The following DARS2 variants were observed in gnomAD, a reference collection of about 807,000 sequenced individuals.
The protein encoded by DARS2 is aspartate--tRNA ligase, mitochondrial.
In DARS2, 63 loss-of-function variants were observed where a neutral mutation model predicts 83.0. The observed-to-expected ratio is 0.76, with a 90% CI of 0.62 to 0.94. The LOEUF is 0.94. Among genes scored for constraint, DARS2 ranks in the 40% least tolerant of loss-of-function variants. The probability of loss-of-function intolerance (pLI) is 0.00; values close to 1 mark genes in which losing one functional copy is unlikely to be tolerated. For missense variants in DARS2, 675 were observed against 774.4 expected, an observed-to-expected ratio of 0.87 and a Z score of 1.52; for synonymous variants, 250 against 269.3, an observed-to-expected ratio of 0.93 and a Z score of 0.70.
At chr1:173,829,831 C>T (rs888833994) in intron 3 of DARS2, among the ~76,000 whole-genome samples, 11 of 152,118 alleles carry the variant, frequency 7.2e-5, no homozygotes, top group African/African-American at 2.7e-4. Flanking sequence ...ATCACTTGAA[C>T]CCAGAGGCAG....
chr1:173,833,333 T>C, intron 5 of DARS2, 43 bp from the exon 6 acceptor site: 1 of 1,492,250 alleles, frequency 6.7e-7, no homozygotes, highest in East Asian at 2.5e-5. Context: ...ACCTTTCTAA[T>C]ATTGAAAAAT....
intron 3 of DARS2, among the ~76,000 whole-genome samples, chr1:173,829,511 G>A (rs539891502): frequency 4.6e-5 from 7 of 152,164 alleles, no homozygotes; most frequent in African/African-American, 1.7e-4. Flanking sequence ...CAGGCATGGT[G>A]GCTCACACCT....
At chr1:173,845,993 T>C (rs1379681416) in intron 12 of DARS2, among the ~76,000 whole-genome samples, 2 of 151,852 alleles carry the variant, frequency 1.3e-5, no homozygotes, top group Non-Finnish European at 2.9e-5. Context: ...CCGTCTCTAC[T>C]AAAAATACAA....
In DARS2 at chr1:173,830,643, TC is replaced by T. The variant is rs770357249; in HGVS notation, c.295-12del. ...GTTCATTTGTTTCTCAGAACTCTTT[TC>T]CCCCTTGTTCTGTAGTCGGCAGCCT... On this transcript the variant is annotated splice_polypyrimidine_tract_variant and intron_variant, in intron 3 of 16. Coordinates refer to ENST00000649689, the MANE Select transcript of DARS2 (RefSeq NM_018122.5). 2 of 1,595,432 alleles carry T rather than the reference TC, an allele frequency of 1.3e-6. No homozygotes were observed. Among genetic ancestry groups the T allele is most frequent in the Non-Finnish European group, 1.7e-6 (2 of 1,163,042 alleles).
In DARS2 at chr1:173,853,885, A is replaced by G. The variant is rs1653768688; in HGVS notation, c.1654A>G (p.Ile552Val). The change falls in exon 15 of 17, where the codon ATC becomes GTC. Residue 552 changes from isoleucine (I) to valine (V), a missense_variant. Transcript: ENST00000649689. ...RIHNAELQRY[I>V]LATLLKEDVK... is the part of the protein sequence containing the mutation. ...TCACAATGCAGAGCTGCAGCGTTAT[A>G]TCCTGGCAACCTTACTAAAGGTAAC... 1 of 1,614,068 alleles carries G rather than the reference A, an allele frequency of 6.2e-7. No homozygotes were observed. The highest frequency in any genetic ancestry group is 1.3e-5 in the African/African-American group (1 of 75,056).
intron 12 of DARS2, among the ~76,000 whole-genome samples, chr1:173,847,947 G>A (rs1399421895): frequency 6.7e-6 from 1 of 149,352 alleles, no homozygotes; most frequent in African/African-American, 2.5e-5. Flanking sequence ...CCGCCTCCCA[G>A]GTTCACGCCG....
At chr1:173,847,351 C>A (rs1004927244) in intron 12 of DARS2, among the ~76,000 whole-genome samples, 4 of 152,078 alleles carry the variant, frequency 2.6e-5, no homozygotes, top group African/African-American at 4.8e-5. Flanking sequence ...AAATCTGCAT[C>A]TAAGAACCAT....
intron 7 of DARS2, 22 bp downstream of exon 7, chr1:173,834,541 G>A: frequency 6.4e-7 from 1 of 1,568,848 alleles, no homozygotes; most frequent in East Asian, 2.2e-5. Context: ...CCTTCAATCA[G>A]TCTATTAATA....
intron 8 of DARS2, among the ~76,000 whole-genome samples, chr1:173,837,719 A>G (rs1331331196): frequency 6.6e-6 from 1 of 152,238 alleles, no homozygotes; most frequent in Non-Finnish European, 1.5e-5. Flanking sequence ...TTAACTTCTC[A>G]TAGGTCAGCT....
chr1:173,832,297 T>C (rs761519956), intron 5 of DARS2, among the ~76,000 whole-genome samples: 113 of 152,228 alleles, frequency 7.4e-4, no homozygotes, highest in Admixed American at 1.6e-3. Flanking sequence ...CAATTGGTCT[T>C]ACATTTAAGT....
At chr1:173,842,349 A>AGT (rs1439653658) in intron 11 of DARS2, among the ~76,000 whole-genome samples, 5 of 114,214 alleles carry the variant, frequency 4.4e-5, no homozygotes, top group Non-Finnish European at 8.1e-5. Flanking sequence ...CCCAGGCTGG[A>AGT]GTGCAGTGGC....
rs936757075 is a variant in DARS2 at position 173,858,506 on chromosome 1, A to G, written c.*801A>G. 1.3e-5 allele frequency: 2 copies of G among 152,160 alleles called. No individual in the cohort carries two copies. Among genetic ancestry groups the G allele is most frequent in the Non-Finnish European group, 2.9e-5 (2 of 68,024 alleles). 9.4% of individuals were successfully genotyped at this position (152,160 alleles called of 1,614,324 possible). ...TCTCTATTTTATAGTTTCAGATTAAACAAAACTGATATCAATAGTAAAAGT... is the reference window on the plus strand; with the variant it reads ...TCTCTATTTTATAGTTTCAGATTAAGCAAAACTGATATCAATAGTAAAAGT... On this transcript the variant is annotated 3_prime_UTR_variant, in exon 17 of 17. Coordinates refer to ENST00000649689, the MANE Select transcript of DARS2 (RefSeq NM_018122.5).
At position 173,824,899 on chromosome 1, in the gene DARS2, G is replaced by C; in HGVS notation, c.-331G>C. On this transcript the variant is annotated 5_prime_UTR_variant, in exon 1 of 17. Transcript: ENST00000649689. Reference sequence around the variant, plus strand: ...CCTTGTGACCGCCTCTGGTTGTCTTGGGCTCGCGCCTGGCGCCGCTACGTG... The same window carrying C: ...CCTTGTGACCGCCTCTGGTTGTCTTCGGCTCGCGCCTGGCGCCGCTACGTG... The C allele has an allele frequency of 2.8e-6, 1 of 355,154 alleles. No individual in the cohort carries two copies. Among genetic ancestry groups the C allele is most frequent in the South Asian group, 2.2e-5 (1 of 45,134 alleles). The allele number at this position is 355,154 out of a possible 1,614,324, so 22.0% of individuals were successfully genotyped here.
At chr1:173,850,976 G>A (rs1653640824) in intron 13 of DARS2, among the ~76,000 whole-genome samples, 2 of 151,872 alleles carry the variant, frequency 1.3e-5, no homozygotes, top group African/African-American at 4.8e-5. Context: ...GGTGGCTAAC[G>A]CCTGTAATCC....
rs1237681938 is a variant in DARS2, at chr1:173,830,696, C to T, written c.331C>T (p.Pro111Ser). The T allele has an allele frequency of 1.2e-6, 2 of 1,614,008 alleles. No homozygotes were observed. The highest frequency in any genetic ancestry group is 8.5e-7 in the Non-Finnish European group (1 of 1,179,936). ...TGTGAAGAAGATTTTATGTGAAGCCCCTGTGGAATCTGTGGTGCAAGTGTC... is the reference window on the plus strand; with the variant it reads ...TGTGAAGAAGATTTTATGTGAAGCCTCTGTGGAATCTGTGGTGCAAGTGTC... ...ASVKKILCEA[P>S]VESVVQVSGT... The change falls in exon 4 of 17, where the codon CCT becomes TCT. Residue 111 changes from proline to serine, a missense_variant. Physicochemically the swap from Pro to Ser is moderately conservative, Grantham distance 74 (BLOSUM62 -1). Transcript: ENST00000649689.
At chr1:173,852,118 A>G (rs1159845056) in intron 13 of DARS2, 4 of 985,332 alleles carry the variant, frequency 4.1e-6, no homozygotes, top group Admixed American at 6.1e-5. Context: ...TAACATTAAC[A>G]TTCTGAAAAT....
chr1:173,857,409 T>G lies in DARS2; in HGVS notation c.1751-109T>G, dbSNP rs139337695. The G allele has an allele frequency of 3.8e-3, 4,246 of 1,118,024 alleles. 11 individuals carry two copies. The highest frequency in any genetic ancestry group is 5.2e-3 in the Non-Finnish European group (3,907 of 756,740). 69.3% of individuals were successfully genotyped at this position (1,118,024 alleles called of 1,614,324 possible). On this transcript the variant is annotated intron_variant, in intron 16 of 16. Transcript: ENST00000649689. Reference sequence around the variant, plus strand: ...GTAGGGAACGATGGTTGGCTACAGTTTGTTAAAGATTCTTATTTAAAAGTT... The same window carrying G: ...GTAGGGAACGATGGTTGGCTACAGTGTGTTAAAGATTCTTATTTAAAAGTT...
At chr1:173,833,615 A>G in intron 6 of DARS2, 116 bp downstream of exon 6, 1 of 1,219,194 alleles carries the variant, frequency 8.2e-7, no homozygotes, top group Non-Finnish European at 1.2e-6. Flanking sequence ...GAAGTCTGGA[A>G]TTCACTCAAT....
intron 15 of DARS2, among the ~76,000 whole-genome samples, chr1:173,856,368 T>G (rs1429652138): frequency 6.6e-6 from 1 of 152,172 alleles, no homozygotes; most frequent in African/African-American, 2.4e-5. Flanking sequence ...TATCCCCACC[T>G]CCTCATTTGG....
Sources: gnomAD v4.1 joint callset for allele counts (sites outside exome capture counted in the v4.1 genomes callset) on GRCh38, gnomAD v4.1.1 for gene constraint, MANE v1.5 for transcripts, NCBI Gene and HGNC (gene_info 2026-07-23, HGNC 2026-07-21) for gene names.